NTN4: variants seen among roughly 807,000 people sequenced by gnomAD.
NTN4 encodes netrin 4.
In NTN4, 32 loss-of-function variants were observed where a neutral mutation model predicts 73.6. The ratio of observed to expected loss-of-function variants is 0.44; its 90% CI spans 0.33 to 0.58. The LOEUF (loss-of-function observed/expected upper bound fraction) is 0.58, where lower values mean the gene tolerates loss of function less well. NTN4 is among the 20% of genes least tolerant of loss of function. The pLI is 0.04. For synonymous variants in NTN4, 258 were observed against 287.5 expected (o/e 0.90, Z 1.04); for missense variants, 654 against 798.3 (o/e 0.82, Z 2.18).
chr12:95,785,249 C>A (rs1423323085), intron 2 of NTN4, among the ~76,000 whole-genome samples: 1 of 152,164 alleles, frequency 6.6e-6, no homozygotes, highest in Non-Finnish European at 1.5e-5. Context: ...TACACAAGGC[C>A]CAGTAGCACT....
At chr12:95,665,706 A>G in intron 9 of NTN4, 104 bp downstream of exon 9, 1 of 813,608 alleles carries the variant, frequency 1.2e-6, no homozygotes, top group Non-Finnish European at 1.9e-6. Context: ...AAAGGGAGAG[A>G]TGTTCTTGCT....
chr12:95,705,324 C>A (rs746627908), intron 5 of NTN4, among the ~76,000 whole-genome samples: 4 of 151,982 alleles, frequency 2.6e-5, no homozygotes, highest in Non-Finnish European at 5.9e-5. Context: ...TAGTAGATGA[C>A]GCACATGGAC....
At position 95,672,189 on chromosome 12, in the gene NTN4, C is replaced by T. The variant is rs2078237054; in HGVS notation, c.1511-2043G>A. 3.0e-5 allele frequency: 16 copies of T among 528,184 alleles called. No individual in the cohort carries two copies. In the Admixed American group the frequency reaches 4.2e-4, roughly 14 times the overall value. 32.7% of individuals were successfully genotyped at this position (528,184 alleles called of 1,614,324 possible). A position where few individuals can be genotyped will look rare whatever the true frequency, so the allele number is the denominator to read the frequency against. On this transcript the variant is annotated intron_variant, in intron 7 of 9. Coordinates refer to ENST00000343702, the MANE Select transcript of NTN4 (RefSeq NM_021229.4). ...GATTAAAAATTGTCGAGCACGCAGG[C>T]GCAATGGTCGGGTTGCGGGGGGCGG... is the stretch of plus-strand genomic sequence containing the variant.
At chr12:95,707,787 C>G (rs779394103) in intron 5 of NTN4, among the ~76,000 whole-genome samples, 20 of 152,148 alleles carry the variant, frequency 1.3e-4, no homozygotes, top group Non-Finnish European at 2.5e-4. Context: ...GTATACTGTA[C>G]AGCATACTGT....
Position 95,665,811 on chromosome 12 carries a change from A to G in NTN4, c.1749T>C (p.Pro583=). 1 of 1,612,270 alleles carries G rather than the reference A, an allele frequency of 6.2e-7. No homozygotes were observed. The highest frequency in any genetic ancestry group is 8.5e-7 in the Non-Finnish European group (1 of 1,178,978). The part of the protein sequence containing the change: ...DRGCTCPILN[P]GLEYLVAGHE... ...AAGATAGGAAAGTCTAATACTCACC[A>G]GGATTGAGGATTGGACAAGTGCATC... The change falls in exon 9 of 10, where the codon CCT becomes CCC. Residue 583 remains proline (P), a splice_region_variant and synonymous_variant. Coordinates refer to ENST00000343702, the MANE Select transcript of NTN4 (RefSeq NM_021229.4).
chr12:95,724,600 T>C, intron 3 of NTN4, among the ~76,000 whole-genome samples: 1 of 152,192 alleles, frequency 6.6e-6, no homozygotes, highest in Admixed American at 6.5e-5. Flanking sequence ...ATAACAGCTA[T>C]AGTTTGTTCA....
intron 5 of NTN4, among the ~76,000 whole-genome samples, chr12:95,706,378 G>T (rs1443387101): frequency 6.6e-6 from 1 of 152,146 alleles, no homozygotes; most frequent in Admixed American, 6.5e-5. Context: ...TTTTTAATTG[G>T]TCAGACTTAG....
chr12:95,775,380 A>C (rs976129094), intron 2 of NTN4, among the ~76,000 whole-genome samples: 4 of 152,222 alleles, frequency 2.6e-5, no homozygotes, highest in African/African-American at 7.2e-5. Context: ...AAGCAGGGCG[A>C]GGCATCGCCT....
In NTN4 at chr12:95,682,057, C is replaced by CTTTTTTTTTTTTTT. The variant is rs557973212; in HGVS notation, c.1510+636_1510+649dup. ...TTCCAAACCTAATATATTCAGTAGGCTTTTTTTTTTTTTTTTTTTTTTTGA... is the reference window on the plus strand; with the variant it reads ...TTCCAAACCTAATATATTCAGTAGGCTTTTTTTTTTTTTTTTTTTTTTTTTTTTTTTTTTTTTGA... On this transcript the variant is annotated intron_variant, in intron 7 of 9. Coordinates refer to ENST00000343702, the MANE Select transcript of NTN4 (RefSeq NM_021229.4). Among the ~76,000 whole-genome samples, 221 of 64,538 alleles carry CTTTTTTTTTTTTTT rather than the reference C, an allele frequency of 3.4e-3. 48 individuals are homozygous for CTTTTTTTTTTTTTT. The highest frequency in any genetic ancestry group is 0.018 in the Middle Eastern group (1 of 56). 42.3% of individuals were successfully genotyped at this position (64,538 alleles called of 152,430 possible). A position where few individuals can be genotyped will look rare whatever the true frequency, so the allele number is the denominator to read the frequency against.
intron 3 of NTN4, among the ~76,000 whole-genome samples, chr12:95,716,926 G>C (rs1490345306): frequency 6.6e-6 from 1 of 151,862 alleles, no homozygotes; most frequent in Non-Finnish European, 1.5e-5. Flanking sequence ...CCTCCCATCT[G>C]AGTCTCCCGA....
chr12:95,761,093 C>A (rs2078983805), intron 2 of NTN4, among the ~76,000 whole-genome samples: 1 of 152,010 alleles, frequency 6.6e-6, no homozygotes, highest in South Asian at 2.1e-4. Flanking sequence ...CTTTTTTTAC[C>A]CCTGAAGTAA....
intron 7 of NTN4, among the ~76,000 whole-genome samples, chr12:95,676,438 C>T (rs2078273972): frequency 6.6e-6 from 1 of 151,916 alleles, no homozygotes; most frequent in African/African-American, 2.4e-5. Context: ...TCTAAAAACC[C>T]TGATGTTTGA....
chr12:95,779,481 C>T (rs530861316), intron 2 of NTN4, among the ~76,000 whole-genome samples: 9 of 152,286 alleles, frequency 5.9e-5, no homozygotes, highest in South Asian at 2.1e-4. Flanking sequence ...AATCAATGTG[C>T]GAAAATCGCA....
intron 3 of NTN4, among the ~76,000 whole-genome samples, chr12:95,717,558 A>C (rs1187796791): frequency 6.6e-6 from 1 of 152,122 alleles, no homozygotes; most frequent in Non-Finnish European, 1.5e-5. Flanking sequence ...GACAATTTGA[A>C]ACAAGAAATC....
In NTN4 at chr12:95,683,515, G is replaced by A. The variant is rs754920714; in HGVS notation, c.1377C>T (p.Thr459=). The change falls in exon 6 of 10, where the codon ACC becomes ACT. Residue 459 remains threonine (T), a synonymous_variant. Coordinates refer to ENST00000343702, the MANE Select transcript of NTN4 (RefSeq NM_021229.4). ...ACATTCACCTGCTGATGCAGTCTCC[G>A]GTGATAGGGTCACAGCTCCCCGCAC... ...CDCAGSCDPI[T]GDCISSHTDI... 21 of 1,613,904 alleles carry A rather than the reference G, an allele frequency of 1.3e-5. No homozygotes were observed. Among genetic ancestry groups the A allele is most frequent in the South Asian group, 3.3e-5 (3 of 91,076 alleles).
intron 5 of NTN4, among the ~76,000 whole-genome samples, chr12:95,687,228 A>C (rs908028520): frequency 6.6e-6 from 1 of 152,234 alleles, no homozygotes; most frequent in South Asian, 2.1e-4. Flanking sequence ...AAAAATGCAA[A>C]CTGGAATAAA....
intron 5 of NTN4, among the ~76,000 whole-genome samples, chr12:95,701,657 CTCGTTTCTTCAGGT>C (rs1346689275): frequency 6.6e-6 from 1 of 152,142 alleles, no homozygotes; most frequent in Non-Finnish European, 1.5e-5. Flanking sequence ...GGTTCAGGGC[CTCGTTTCTTCAGGT>C]TTGATGAATT....
At chr12:95,672,196 G>C (rs1160186900) in intron 7 of NTN4, 1 of 555,510 alleles carries the variant, frequency 1.8e-6, no homozygotes, top group Non-Finnish European at 3.2e-6. Context: ...AGGCGCAATG[G>C]TCGGGTTGCG....
At chr12:95,761,372 G>C (rs1592709522) in intron 2 of NTN4, among the ~76,000 whole-genome samples, 1 of 137,754 alleles carries the variant, frequency 7.3e-6, no homozygotes, top group Non-Finnish European at 1.5e-5. Flanking sequence ...TGTCTCCCAG[G>C]CTGGATAGAG....
Sources: allele counts gnomAD v4.1 joint callset (sites outside exome capture counted in the v4.1 genomes callset), GRCh38; gene constraint gnomAD v4.1.1; transcripts MANE v1.5; gene names NCBI Gene and HGNC (gene_info 2026-07-23, HGNC 2026-07-21).